The following FGGY variants were observed in gnomAD, a reference collection of about 807,000 sequenced individuals.
FGGY encodes the protein FGGY carbohydrate kinase domain containing.
FGGY carries 72 observed loss-of-function variants against 71.3 expected under a neutral mutation model. The ratio of observed to expected loss-of-function variants is 1.01; its 90% CI spans 0.84 to 1.23. The LOEUF (loss-of-function observed/expected upper bound fraction) is 1.23, where lower values mean the gene tolerates loss of function less well. FGGY is among the 50% of genes most tolerant of loss of function. The pLI is 0.00. For synonymous variants in FGGY, 251 were observed against 250.3 expected (o/e 1.00, Z -0.02); for missense variants, 668 against 682.3 (o/e 0.98, Z 0.23).
chr1:59,645,851 A>G (rs1021102983), intron 11 of FGGY, among the ~76,000 whole-genome samples: 2 of 152,234 alleles, frequency 1.3e-5, no homozygotes, highest in African/African-American at 4.8e-5. Context: ...AAAGTACAGA[A>G]CTACCCAGAA....
chr1:59,472,055 T>C (rs1204949919), intron 6 of FGGY, among the ~76,000 whole-genome samples: 2 of 152,232 alleles, frequency 1.3e-5, no homozygotes, highest in African/African-American at 4.8e-5. Context: ...AGCCCGCCGC[T>C]GCACTGTGGG....
At chr1:59,592,908 A>G (rs190181028) in intron 8 of FGGY, among the ~76,000 whole-genome samples, 1 of 152,346 alleles carries the variant, frequency 6.6e-6, no homozygotes, top group East Asian at 1.9e-4. Context: ...CACATTGTGC[A>G]CATGTACCCT....
intron 14 of FGGY, among the ~76,000 whole-genome samples, chr1:59,692,608 A>G (rs2097600870): frequency 6.6e-6 from 1 of 151,540 alleles, no homozygotes; most frequent in South Asian, 2.1e-4. Context: ...CATATGGCAA[A>G]TGGTCCACTA....
intron 5 of FGGY, among the ~76,000 whole-genome samples, chr1:59,442,677 G>A (rs1038390874): frequency 1.3e-5 from 2 of 152,174 alleles, no homozygotes; most frequent in African/African-American, 2.4e-5. Flanking sequence ...TGAGTAGGCC[G>A]TTCCTTGGGT....
At chr1:59,472,767 T>C (rs2153549820) in intron 6 of FGGY, among the ~76,000 whole-genome samples, 1 of 150,204 alleles carries the variant, frequency 6.7e-6, no homozygotes, top group East Asian at 2.0e-4. Flanking sequence ...GCTAATCTGG[T>C]GGGGAGGTGG....
intron 8 of FGGY, among the ~76,000 whole-genome samples, chr1:59,562,687 C>T (rs763463699): frequency 6.6e-6 from 1 of 152,100 alleles, no homozygotes; most frequent in Non-Finnish European, 1.5e-5. Context: ...TAAATTCTTG[C>T]AAAAGCAAAC....
chr1:59,500,001 TTGTCTC>T (rs1459080412), intron 6 of FGGY, among the ~76,000 whole-genome samples: 1 of 152,210 alleles, frequency 6.6e-6, no homozygotes, highest in Non-Finnish European at 1.5e-5. Context: ...AGTCATTTGA[TTGTCTC>T]TGTACTGTCG....
chr1:59,544,333 T>C (rs910288317), intron 7 of FGGY, among the ~76,000 whole-genome samples: 10 of 152,172 alleles, frequency 6.6e-5, no homozygotes, highest in Non-Finnish European at 8.8e-5. Flanking sequence ...TTAATGGTAA[T>C]AAACTGGGGA....
At chr1:59,557,487 T>C (rs1006637405) in intron 8 of FGGY, among the ~76,000 whole-genome samples, 3 of 152,192 alleles carry the variant, frequency 2.0e-5, no homozygotes. Flanking sequence ...TCCTGTTGCT[T>C]CCAGGAATCT....
At chr1:59,593,592 C>T (rs1044342482) in intron 8 of FGGY, among the ~76,000 whole-genome samples, 42 of 152,176 alleles carry the variant, frequency 2.8e-4, no homozygotes, top group Admixed American at 6.5e-4. Context: ...ATATGCCAAT[C>T]CAGCATTTGT....
At chr1:59,502,969 C>T (rs947192525) in intron 6 of FGGY, among the ~76,000 whole-genome samples, 12 of 152,186 alleles carry the variant, frequency 7.9e-5, no homozygotes, top group African/African-American at 2.4e-4. Context: ...AGGGGAGCCT[C>T]CTGCAAATGA....
chr1:59,621,126 G>A (rs931753884), intron 9 of FGGY, among the ~76,000 whole-genome samples: 1 of 151,938 alleles, frequency 6.6e-6, no homozygotes, highest in African/African-American at 2.4e-5. Flanking sequence ...GAAAACGGTT[G>A]TATTCCTTCC....
chr1:59,439,493 T>C (rs532092204), intron 5 of FGGY, among the ~76,000 whole-genome samples: 1 of 152,290 alleles, frequency 6.6e-6, no homozygotes, highest in African/African-American at 2.4e-5. Flanking sequence ...TCTCTCTTAA[T>C]GCCAGACAGT....
At chr1:59,372,892 T>C (rs2057944069) in intron 4 of FGGY, among the ~76,000 whole-genome samples, 1 of 152,046 alleles carries the variant, frequency 6.6e-6, no homozygotes, top group Non-Finnish European at 1.5e-5. Flanking sequence ...ATAAATTAGG[T>C]ATTGATGGGA....
chr1:59,620,111 A>T (rs992918998), intron 9 of FGGY, among the ~76,000 whole-genome samples: 1 of 151,954 alleles, frequency 6.6e-6, no homozygotes, highest in Non-Finnish European at 1.5e-5. Context: ...AAGAATTACT[A>T]CGTTTTCTGA....
chr1:59,536,075 T>C (rs930101981), intron 7 of FGGY, among the ~76,000 whole-genome samples: 12 of 151,418 alleles, frequency 7.9e-5, no homozygotes, highest in African/African-American at 2.4e-4. Flanking sequence ...ACAAAATTGA[T>C]AGACCTCTAG....
intron 5 of FGGY, among the ~76,000 whole-genome samples, chr1:59,389,772 A>C (rs151046366): frequency 2.4e-3 from 364 of 152,272 alleles, no homozygotes; most frequent in African/African-American, 8.5e-3. Flanking sequence ...AAAAAATTAT[A>C]CCCATTGTAG....
chr1:59,521,103 C>G (rs2094819083), intron 7 of FGGY, among the ~76,000 whole-genome samples: 1 of 152,084 alleles, frequency 6.6e-6, no homozygotes, highest in South Asian at 2.1e-4. Flanking sequence ...CGTGCCAGTC[C>G]CTGAGCAGAT....
At chr1:59,697,048 A>G (rs1206463738) in intron 14 of FGGY, among the ~76,000 whole-genome samples, 5 of 152,154 alleles carry the variant, frequency 3.3e-5, no homozygotes. Context: ...GCGAGGAAAT[A>G]CCACAAAAAT....
Sources: allele counts gnomAD v4.1 joint callset (sites outside exome capture counted in the v4.1 genomes callset), GRCh38; gene constraint gnomAD v4.1.1; transcripts MANE v1.5; gene names NCBI Gene and HGNC (gene_info 2026-07-23, HGNC 2026-07-21).